The following RYR2 variants were observed in gnomAD, a reference collection of about 807,000 sequenced individuals.
RYR2 encodes the protein cardiac muscle ryanodine receptor-calcium release channel.
Under a neutral mutation model 601.1 loss-of-function variants are expected in RYR2, and 227 were observed. That is an observed-to-expected ratio of 0.38 (90% CI 0.34 to 0.42). The LOEUF (loss-of-function observed/expected upper bound fraction) is 0.42, where lower values mean the gene tolerates loss of function less well. RYR2 is among the 10% of genes least tolerant of loss of function. The pLI is 1.00. For synonymous variants in RYR2, 2,223 were observed against 2,175.1 expected, an observed-to-expected ratio of 1.02 and a Z score of -0.61; for missense variants, 4,646 against 6,156.5, an observed-to-expected ratio of 0.75 and a Z score of 8.21.
intron 3 of RYR2, among the ~76,000 whole-genome samples, chr1:237,354,405 G>T (rs1284819657): frequency 6.6e-6 from 1 of 151,798 alleles, no homozygotes; most frequent in East Asian, 1.9e-4. Context: ...CCTGATAATG[G>T]CAAAATACAA....
chr1:237,604,886 C>T (rs954468576), intron 35 of RYR2, among the ~76,000 whole-genome samples: 2 of 151,874 alleles, frequency 1.3e-5, no homozygotes, highest in African/African-American at 4.8e-5. Context: ...AAGTTGAATC[C>T]CTGAATAGAC....
At chr1:237,114,668 G>C (rs976737860) in intron 1 of RYR2, among the ~76,000 whole-genome samples, 2 of 152,178 alleles carry the variant, frequency 1.3e-5, no homozygotes, top group Admixed American at 6.5e-5. Context: ...TTTAATTTAG[G>C]AAAATAATGG....
intron 1 of RYR2, among the ~76,000 whole-genome samples, chr1:237,042,895 C>A (rs921879046): frequency 1.1e-4 from 16 of 152,110 alleles, no homozygotes; most frequent in African/African-American, 3.1e-4. Flanking sequence ...AGGGGACGGC[C>A]GGTCCGGCCT....
intron 74 of RYR2, among the ~76,000 whole-genome samples, chr1:237,725,535 A>T (rs1181228973): frequency 1.3e-5 from 2 of 152,116 alleles, no homozygotes; most frequent in African/African-American, 2.4e-5. Context: ...AAGTTTTCTT[A>T]TGAGAGTAGG....
At chr1:237,083,297 C>A (rs745971705) in intron 1 of RYR2, among the ~76,000 whole-genome samples, 1 of 152,168 alleles carries the variant, frequency 6.6e-6, no homozygotes, top group Non-Finnish European at 1.5e-5. Context: ...GGGCAGCCAA[C>A]AGCCAGATGA....
chr1:237,537,468 C>T (rs1668767696), intron 25 of RYR2, among the ~76,000 whole-genome samples: 1 of 152,116 alleles, frequency 6.6e-6, no homozygotes, highest in South Asian at 2.1e-4. Flanking sequence ...CGCCCGCCAC[C>T]ACGCCCAGCT....
chr1:237,242,235 G>T (rs596655), intron 1 of RYR2, among the ~76,000 whole-genome samples: 137,788 of 151,612 alleles, frequency 0.91, 63,891 homozygotes, highest in East Asian at 1. Context: ...TGCCAGGTTT[G>T]GGGCAATAAA....
intron 11 of RYR2, among the ~76,000 whole-genome samples, chr1:237,421,286 C>G (rs745850706): frequency 3.9e-5 from 6 of 152,084 alleles, no homozygotes; most frequent in Non-Finnish European, 7.4e-5. Flanking sequence ...TTGTGGTTTT[C>G]ATAGTATTTG....
chr1:237,700,139 G>A (rs12754190), intron 64 of RYR2, 90 bp from the exon 65 acceptor site: 553,727 of 859,732 alleles, frequency 0.64, 187,602 homozygotes, highest in Non-Finnish European at 0.7. Flanking sequence ...TAGAGTAATG[G>A]AGAAATAAAC....
intron 94 of RYR2, among the ~76,000 whole-genome samples, chr1:237,793,211 C>T (rs77203502): frequency 6.6e-6 from 1 of 152,160 alleles, no homozygotes; most frequent in African/African-American, 2.4e-5. Context: ...TTCAGGAACT[C>T]CTTTCCTCCC....
chr1:237,439,023 A>T (rs568645686), intron 12 of RYR2, among the ~76,000 whole-genome samples: 1 of 152,248 alleles, frequency 6.6e-6, no homozygotes, highest in Non-Finnish European at 1.5e-5. Context: ...TAATATAGAT[A>T]TGGTACAGCT....
intron 73 of RYR2, among the ~76,000 whole-genome samples, chr1:237,722,880 G>A (rs1207716543): frequency 8.2e-6 from 1 of 122,652 alleles, no homozygotes; most frequent in Non-Finnish European, 2.0e-5. Context: ...TATGTGCTAA[G>A]AGCTCCTGGA....
chr1:237,151,979 A>G, intron 1 of RYR2, among the ~76,000 whole-genome samples: 1 of 152,086 alleles, frequency 6.6e-6, no homozygotes, highest in East Asian at 1.9e-4. Context: ...CACATGCATT[A>G]GCTATTTGCC....
intron 79 of RYR2, among the ~76,000 whole-genome samples, chr1:237,737,456 A>G (rs541364710): frequency 6.6e-6 from 1 of 152,200 alleles, no homozygotes; most frequent in Non-Finnish European, 1.5e-5. Flanking sequence ...CTGTACCCTC[A>G]CTTGCACTGC....
intron 29 of RYR2, among the ~76,000 whole-genome samples, chr1:237,586,901 G>A (rs1206002653): frequency 1.3e-5 from 2 of 151,694 alleles, no homozygotes; most frequent in Non-Finnish European, 2.9e-5. Flanking sequence ...TATATTTTTA[G>A]TAAAGAAGGG....
intron 1 of RYR2, among the ~76,000 whole-genome samples, chr1:237,195,272 C>A (rs1558404708): frequency 6.6e-6 from 1 of 152,110 alleles, no homozygotes; most frequent in Non-Finnish European, 1.5e-5. Flanking sequence ...CGGCACTTAG[C>A]AATAACCAGT....
At chr1:237,487,276 G>C (rs1662783535) in intron 17 of RYR2, among the ~76,000 whole-genome samples, 1 of 151,956 alleles carries the variant, frequency 6.6e-6, no homozygotes. Flanking sequence ...GCATATATCA[G>C]CATAATTTAA....
intron 1 of RYR2, among the ~76,000 whole-genome samples, chr1:237,221,732 G>A (rs757172656): frequency 6.6e-6 from 1 of 152,030 alleles, no homozygotes; most frequent in African/African-American, 2.4e-5. Context: ...TAGTAAGAAG[G>A]GACATGGTTT....
Position 237,832,627 on chromosome 1 carries a change from T to TA in RYR2, c.14885dup (p.Tyr4962Ter). The stretch of plus-strand genomic sequence containing the variant: ...AGCAGGGGATTGCTTCCGGAAACAG[T>TA]ATGAAGACCAGCTAAATTAAACTCA... ...FPAGDCFRKQ[Y>*]EDQLN Residue 4962 changes from tyrosine to a stop codon, truncating the protein, a stop_gained and frameshift_variant, in exon 105 of 105, where the codon TAT (tyrosine) becomes TAAT (stop). Transcript: ENST00000366574. LOFTEE classifies it high-confidence loss of function. The TA allele has an allele frequency of 6.2e-7, 1 of 1,610,506 alleles. No homozygotes were observed. The highest frequency in any genetic ancestry group is 8.5e-7 in the Non-Finnish European group (1 of 1,177,294).
Sources: gnomAD v4.1 joint callset for allele counts (sites outside exome capture counted in the v4.1 genomes callset) on GRCh38, gnomAD v4.1.1 for gene constraint, MANE v1.5 for transcripts, NCBI Gene and HGNC (gene_info 2026-07-23, HGNC 2026-07-21) for gene names.